Variants in MRPL42 observed in about 807,000 individuals in gnomAD.
MRPL42 encodes the protein large ribosomal subunit protein mL42.
Under a neutral mutation model 17.9 loss-of-function variants are expected in MRPL42, and 17 were observed. The observed-to-expected ratio is 0.95, with a 90% CI of 0.65 to 1.42. The LOEUF is 1.42. Ranked by LOEUF, MRPL42 falls within the 40% of genes most tolerant of loss-of-function variation. MRPL42 has a pLI of 0.00. For missense variants in MRPL42, 177 were observed against 175.2 expected (o/e 1.01, Z -0.06); for synonymous variants, 59 against 54.4 (o/e 1.08, Z -0.37).
Position 93,479,483 on chromosome 12 carries a change from GA to G in MRPL42, c.219+15del, listed in dbSNP as rs760051896. On this transcript the variant is annotated intron_variant, in intron 4 of 5. Transcript: ENST00000549982. ...TATGAACACACAAAAGTATGTATGA[GA>G]AAATTTCTTGCAGTTTTTAATTTGC... 32 of 1,585,372 alleles carry G rather than the reference GA, an allele frequency of 2.0e-5. No individual in the cohort carries two copies. Among genetic ancestry groups the G allele is most frequent in the Non-Finnish European group, 2.7e-5 (31 of 1,159,708 alleles).
At chr12:93,492,458 CT>C (rs1438350885) in intron 5 of MRPL42, among the ~76,000 whole-genome samples, 8 of 152,192 alleles carry the variant, frequency 5.3e-5, no homozygotes, top group African/African-American at 1.9e-4. Context: ...CCCTAGCCCA[CT>C]TTTTAATGGA....
At chr12:93,488,780 T>G (rs1183886878) in intron 5 of MRPL42, among the ~76,000 whole-genome samples, 10 of 152,198 alleles carry the variant, frequency 6.6e-5, no homozygotes, top group Non-Finnish European at 1.2e-4. Context: ...TCTTTTTGAT[T>G]TTTTTCTTTT....
In MRPL42 at chr12:93,501,878, TAATTAAATTA is replaced by T. The variant is rs879885026; in HGVS notation, c.*658_*667del. The T allele has an allele frequency of 3.5e-5, 4 of 115,558 alleles. No individual in the cohort carries two copies. The highest frequency in any genetic ancestry group is 3.1e-4 in the East Asian group (1 of 3,232). The allele number at this position is 115,558 out of a possible 1,614,324, so 7.2% of individuals were successfully genotyped here. On this transcript the variant is annotated 3_prime_UTR_variant, in exon 6 of 6. Coordinates refer to ENST00000549982, the MANE Select transcript of MRPL42 (RefSeq NM_014050.4). ...GATGTTTCAGTTGGCTTCTAGGAAA[TAATTAAATTA>T]GTGATATTTTAATCAGGTTTTACTA...
chr12:93,489,149 T>C (rs1953364856), intron 5 of MRPL42, among the ~76,000 whole-genome samples: 3 of 152,172 alleles, frequency 2.0e-5, no homozygotes, highest in Admixed American at 2.0e-4. Context: ...ACAAATTGTT[T>C]ATAGTCAAGG....
chr12:93,473,353 C>G (rs1397906841), intron 2 of MRPL42, among the ~76,000 whole-genome samples: 2 of 152,084 alleles, frequency 1.3e-5, no homozygotes, highest in East Asian at 3.8e-4. Context: ...TTCGACCTCC[C>G]TGGGCTCAGG....
chr12:93,489,622 C>T (rs1158496006), intron 5 of MRPL42, among the ~76,000 whole-genome samples: 1 of 152,158 alleles, frequency 6.6e-6, no homozygotes, highest in Non-Finnish European at 1.5e-5. Flanking sequence ...CAACTTCCGC[C>T]TCCCAGGTTC....
chr12:93,487,840 A>G (rs1953334501), intron 5 of MRPL42, 180 bp downstream of exon 5: 2 of 516,430 alleles, frequency 3.9e-6, no homozygotes. Flanking sequence ...TCTGTCACCC[A>G]GGCTGGAGTG....
chr12:93,504,223 C>T lies in MRPL42; in HGVS notation c.*3002C>T, dbSNP rs1309805792. 1 of 154,388 alleles carries T rather than the reference C, an allele frequency of 6.5e-6. No homozygotes were observed. The highest frequency in any genetic ancestry group is 1.5e-5 in the Non-Finnish European group (1 of 68,288). The allele number at this position is 154,388 out of a possible 1,614,324, so 9.6% of individuals were successfully genotyped here. A position where few individuals can be genotyped will look rare whatever the true frequency, so the allele number is the denominator to read the frequency against. ...TGGCGCGATCTTGGCTCACTGCAGCCTCCACCTCCCGGGTTCAAGTGATTC... is the reference window on the plus strand; with the variant it reads ...TGGCGCGATCTTGGCTCACTGCAGCTTCCACCTCCCGGGTTCAAGTGATTC... On this transcript the variant is annotated 3_prime_UTR_variant, in exon 6 of 6. Coordinates refer to ENST00000549982, the MANE Select transcript of MRPL42 (RefSeq NM_014050.4).
intron 5 of MRPL42, among the ~76,000 whole-genome samples, chr12:93,489,448 G>T (rs1953369739): frequency 6.6e-6 from 1 of 151,992 alleles, no homozygotes; most frequent in Non-Finnish European, 1.5e-5. Context: ...GAAAAATATT[G>T]ATTTTTTGGG....
chr12:93,500,433 G>C (rs770848102), intron 5 of MRPL42, among the ~76,000 whole-genome samples: 3 of 152,106 alleles, frequency 2.0e-5, no homozygotes, highest in Non-Finnish European at 4.4e-5. Context: ...TAACATGTTT[G>C]TGATCTCAAA....
At position 93,506,266 on chromosome 12, in the gene MRPL42, T is replaced by TTTTTTC. The variant is rs1953668992; in HGVS notation, c.*5050_*5051insCTTTTT. ...CAATTCAGCAAGAATGTCTCTTTTT[T>TTTTTTC]TTTTTTTTTTTTTTTTGGGACAGAG... On this transcript the variant is annotated 3_prime_UTR_variant, in exon 6 of 6. Coordinates refer to ENST00000549982, the MANE Select transcript of MRPL42 (RefSeq NM_014050.4). 1.4e-5 allele frequency: 2 copies of TTTTTTC among 141,986 alleles called. No individual in the cohort carries two copies. Among genetic ancestry groups the TTTTTTC allele is most frequent in the Admixed American group, 7.0e-5 (1 of 14,344 alleles). 8.8% of individuals were successfully genotyped at this position (141,986 alleles called of 1,614,324 possible). A position where few individuals can be genotyped will look rare whatever the true frequency, so the allele number is the denominator to read the frequency against.
At chr12:93,479,847 C>A (rs1255212289) in intron 4 of MRPL42, among the ~76,000 whole-genome samples, 5 of 147,882 alleles carry the variant, frequency 3.4e-5, no homozygotes, top group Middle Eastern at 7.1e-3. Context: ...GGGATTACAG[C>A]TACTTTTTTA....
intron 4 of MRPL42, among the ~76,000 whole-genome samples, chr12:93,485,033 G>T (rs1377411768): frequency 6.7e-3 from 249 of 37,008 alleles, no homozygotes; most frequent in Middle Eastern, 0.015. Context: ...TATATAAACA[G>T]AGATGGGGGG....
At chr12:93,480,847 T>C (rs1216016536) in intron 4 of MRPL42, among the ~76,000 whole-genome samples, 2 of 152,250 alleles carry the variant, frequency 1.3e-5, no homozygotes, top group African/African-American at 4.8e-5. Flanking sequence ...ACAAATAATT[T>C]CTGTATTCCT....
rs2121313401 is a variant in MRPL42 at position 93,515,434 on chromosome 12, T to A, written c.*14213T>A. The A allele has an allele frequency of 6.6e-6, 1 of 151,284 alleles. No homozygotes were observed. Among genetic ancestry groups the A allele is most frequent in the South Asian group, 2.1e-4 (1 of 4,774 alleles). 9.4% of individuals were successfully genotyped at this position (151,284 alleles called of 1,614,324 possible). A position where few individuals can be genotyped will look rare whatever the true frequency, so the allele number is the denominator to read the frequency against. ...CCCAGGCTGGAGTGCAGTGGGGTGATCTCGGCTCACTGCAACCTCTGCCTC... is the reference window on the plus strand; with the variant it reads ...CCCAGGCTGGAGTGCAGTGGGGTGAACTCGGCTCACTGCAACCTCTGCCTC... On this transcript the variant is annotated 3_prime_UTR_variant, in exon 6 of 6. Transcript: ENST00000549982.
chr12:93,479,552 G>T (rs1565811652), intron 4 of MRPL42, 80 bp downstream of exon 4: 3 of 742,750 alleles, frequency 4.0e-6, no homozygotes, highest in East Asian at 5.9e-5. Context: ...CAAAAAGAAG[G>T]GAGTCATCTG....
rs773583875 is a variant in MRPL42 at position 93,502,097 on chromosome 12, A to C, written c.*876A>C. 32 of 152,058 alleles carry C rather than the reference A, an allele frequency of 2.1e-4. No homozygotes were observed. The highest frequency in any genetic ancestry group is 4.3e-4 in the Non-Finnish European group (29 of 68,018). The allele number at this position is 152,058 out of a possible 1,614,324, so 9.4% of individuals were successfully genotyped here. A position where few individuals can be genotyped will look rare whatever the true frequency, so the allele number is the denominator to read the frequency against. On this transcript the variant is annotated 3_prime_UTR_variant, in exon 6 of 6. Transcript: ENST00000549982. Reference sequence around the variant, plus strand: ...AATGACAAAGGGGTGGTTTTCTTTCACCCAAGAATGTGCTTTCCTGGAAAT... The same window carrying C: ...AATGACAAAGGGGTGGTTTTCTTTCCCCCAAGAATGTGCTTTCCTGGAAAT...
intron 4 of MRPL42, among the ~76,000 whole-genome samples, chr12:93,483,305 G>A (rs1880552868): frequency 6.6e-6 from 1 of 152,130 alleles, no homozygotes; most frequent in Non-Finnish European, 1.5e-5. Flanking sequence ...TTACTGATGG[G>A]GATATGTTCT....
chr12:93,474,671 G>A (rs1050838615), intron 2 of MRPL42, among the ~76,000 whole-genome samples: 5 of 152,044 alleles, frequency 3.3e-5, no homozygotes, highest in African/African-American at 1.2e-4. Context: ...TCCTGGCCTT[G>A]AGCAGTGTTG....
Sources: allele counts gnomAD v4.1 joint callset (sites outside exome capture counted in the v4.1 genomes callset), GRCh38; gene constraint gnomAD v4.1.1; transcripts MANE v1.5; gene names NCBI Gene and HGNC (gene_info 2026-07-23, HGNC 2026-07-21).